The following NTAQ1 variants were observed in gnomAD, a reference collection of about 807,000 sequenced individuals.
NTAQ1 encodes N-terminal glutamine amidase 1.
Under a neutral mutation model 28.2 loss-of-function variants are expected in NTAQ1, and 21 were observed. The ratio of observed to expected loss-of-function variants is 0.74; its 90% confidence interval spans 0.53 to 1.07. The LOEUF (loss-of-function observed/expected upper bound fraction) is 1.07. Ranked by LOEUF, NTAQ1 falls within the 50% of genes least tolerant of loss-of-function variation. The pLI is 0.00. For synonymous variants in NTAQ1, 105 were observed against 90.0 expected (o/e 1.17, Z -0.94); for missense variants, 264 against 256.6 (o/e 1.03, Z -0.20).
intron 6 of NTAQ1, among the ~76,000 whole-genome samples, chr8:123,459,390 G>C (rs1324661797): frequency 2.6e-5 from 4 of 152,132 alleles, no homozygotes; most frequent in Non-Finnish European, 5.9e-5. Context: ...GAAGCTCTCT[G>C]AACCCCATAG....
chr8:123,423,521 C>T (rs1371973207), intron 1 of NTAQ1, among the ~76,000 whole-genome samples: 1 of 151,888 alleles, frequency 6.6e-6, no homozygotes, highest in African/African-American at 2.4e-5. Flanking sequence ...AGTTATCCTC[C>T]CACCTCAGCC....
chr8:123,474,703 G>A (rs977521643), downstream of NTAQ1, among the ~76,000 whole-genome samples: 1 of 152,118 alleles, frequency 6.6e-6, no homozygotes, highest in African/African-American at 2.4e-5. Flanking sequence ...TCAGGAGTTC[G>A]AGACCAGCCT....
intron 1 of NTAQ1, among the ~76,000 whole-genome samples, chr8:123,424,011 T>C (rs1813883962): frequency 6.6e-6 from 1 of 151,148 alleles, no homozygotes; most frequent in Admixed American, 6.6e-5. Flanking sequence ...GCCTCCTGAG[T>C]AACTGGGATT....
chr8:123,436,615 A>G lies in NTAQ1; in HGVS notation c.383+14A>G, dbSNP rs1186592524. ...ACAGTTTAGGAGGTGAGGACATTCA[A>G]GATGGATTTACTTATTTTCTGAAGT... On this transcript the variant is annotated intron_variant, in intron 4 of 5. Coordinates refer to ENST00000287387, the MANE Select transcript of NTAQ1 (RefSeq NM_018024.3). The G allele has an allele frequency of 1.2e-5, 20 of 1,605,082 alleles. No homozygotes were observed. Among genetic ancestry groups the G allele is most frequent in the Non-Finnish European group, 1.5e-5 (18 of 1,176,984 alleles).
chr8:123,470,963 C>T (rs1244311448), downstream of NTAQ1, among the ~76,000 whole-genome samples: 2 of 150,660 alleles, frequency 1.3e-5, no homozygotes, highest in Non-Finnish European at 2.9e-5. Context: ...CGCTGTTGCT[C>T]AGGCTGGAGT....
At chr8:123,464,428 C>T (rs748725264) in intron 6 of NTAQ1, among the ~76,000 whole-genome samples, 1 of 152,102 alleles carries the variant, frequency 6.6e-6, no homozygotes, top group Non-Finnish European at 1.5e-5. Context: ...ACCCTGGATG[C>T]CCTCAGACTG....
downstream of NTAQ1, among the ~76,000 whole-genome samples, chr8:123,448,832 G>A (rs964204897): frequency 2.0e-5 from 3 of 152,174 alleles, no homozygotes; most frequent in African/African-American, 4.8e-5. Context: ...GGGTTCAGAC[G>A]TTTATAGGCT....
chr8:123,427,870 TA>T, intron 1 of NTAQ1, 53 bp from the exon 2 acceptor site: 1 of 1,445,544 alleles, frequency 6.9e-7, no homozygotes. Flanking sequence ...TGTTCAAATT[TA>T]AAAGACACAT....
intron 6 of NTAQ1, among the ~76,000 whole-genome samples, chr8:123,453,701 C>T (rs1815570360): frequency 1.3e-5 from 2 of 152,168 alleles, no homozygotes; most frequent in Admixed American, 1.3e-4. Context: ...GCTGGGATTA[C>T]AGGTGTGAGT....
At chr8:123,448,430 G>A (rs1815366481), downstream of NTAQ1, among the ~76,000 whole-genome samples, 1 of 152,114 alleles carries the variant, frequency 6.6e-6, no homozygotes, top group African/African-American at 2.4e-5. Flanking sequence ...CTGGCCAACA[G>A]GGTGAAACCC....
intron 1 of NTAQ1, among the ~76,000 whole-genome samples, chr8:123,422,683 G>A (rs572712170): frequency 3.2e-4 from 48 of 148,932 alleles, no homozygotes; most frequent in African/African-American, 8.8e-4. Context: ...TTTTGTTGCC[G>A]TTGCTTTTGG....
downstream of NTAQ1, among the ~76,000 whole-genome samples, chr8:123,449,706 G>A (rs887218280): frequency 1.3e-5 from 2 of 151,052 alleles, no homozygotes; most frequent in Non-Finnish European, 2.9e-5. Context: ...TTTTACTGGG[G>A]GCATGTTAAA....
intron 6 of NTAQ1, among the ~76,000 whole-genome samples, chr8:123,464,389 C>T (rs1189066153): frequency 6.6e-6 from 1 of 152,150 alleles, no homozygotes; most frequent in Non-Finnish European, 1.5e-5. Context: ...TCCATAACAG[C>T]AGGGAAATGC....
At chr8:123,435,834 G>A (rs962872072) in intron 3 of NTAQ1, among the ~76,000 whole-genome samples, 3 of 142,218 alleles carry the variant, frequency 2.1e-5, no homozygotes, top group Admixed American at 1.4e-4. Flanking sequence ...GCCACTGCAC[G>A]CCAGCCTGGG....
At chr8:123,427,778 A>G (rs1814152627) in intron 1 of NTAQ1, 146 bp from the exon 2 acceptor site, 2 of 641,778 alleles carry the variant, frequency 3.1e-6, no homozygotes, top group Non-Finnish European at 2.7e-6. Flanking sequence ...GATGTTTTAG[A>G]GGAGATTCAG....
chr8:123,451,275 T>C (rs1481961865), downstream of NTAQ1, among the ~76,000 whole-genome samples: 2 of 152,222 alleles, frequency 1.3e-5, no homozygotes, highest in Non-Finnish European at 2.9e-5. Flanking sequence ...CAGTACCCTT[T>C]TTTCTTCATA....
chr8:123,442,953 C>T (rs553008160), downstream of NTAQ1, among the ~76,000 whole-genome samples: 1 of 152,130 alleles, frequency 6.6e-6, no homozygotes, highest in Middle Eastern at 3.4e-3. Flanking sequence ...CAGGCATGAG[C>T]CACCGCGCCC....
downstream of NTAQ1, among the ~76,000 whole-genome samples, chr8:123,449,889 C>A (rs898693457): frequency 8.1e-6 from 1 of 124,114 alleles, no homozygotes; most frequent in African/African-American, 3.0e-5. Flanking sequence ...CTCTCTCTCT[C>A]TCTATCTCTC....
chr8:123,458,635 T>G (rs1291114846), intron 6 of NTAQ1, among the ~76,000 whole-genome samples: 1 of 151,790 alleles, frequency 6.6e-6, no homozygotes, highest in Non-Finnish European at 1.5e-5. Flanking sequence ...TCTTTTTTTT[T>G]TTTTGAATCG....
Sources: allele counts gnomAD v4.1 joint callset (sites outside exome capture counted in the v4.1 genomes callset), GRCh38; gene constraint gnomAD v4.1.1; transcripts MANE v1.5; gene names NCBI Gene and HGNC (gene_info 2026-07-23, HGNC 2026-07-21).